TCF7L1: variants seen among roughly 807,000 people sequenced by gnomAD.
TCF7L1 encodes the protein transcription factor 7 like 1, also known as transcription factor 7-like 1.
Under a neutral mutation model 63.7 loss-of-function variants are expected in TCF7L1, and 18 were observed. The observed-to-expected ratio is 0.28, with a 90% confidence interval of 0.20 to 0.42. The LOEUF is 0.42. TCF7L1 is among the 10% of genes least tolerant of loss of function. The pLI is 1.00. For synonymous variants in TCF7L1, 355 were observed against 340.9 expected, an observed-to-expected ratio of 1.04 and a Z score of -0.46; for missense variants, 654 against 779.3, an observed-to-expected ratio of 0.84 and a Z score of 1.91.
intron 3 of TCF7L1, among the ~76,000 whole-genome samples, chr2:85,180,416 G>A (rs761361355): frequency 5.9e-5 from 9 of 151,926 alleles, no homozygotes; most frequent in Non-Finnish European, 1.3e-4. Flanking sequence ...CTACCTGGAG[G>A]GTGTGTCTAC....
chr2:85,221,009 T>C (rs933740964), intron 3 of TCF7L1, among the ~76,000 whole-genome samples: 4 of 152,196 alleles, frequency 2.6e-5, no homozygotes, highest in Non-Finnish European at 5.9e-5. Flanking sequence ...GCATGAAAGC[T>C]ATTGAAGACC....
At chr2:85,157,960 C>G (rs900766974) in intron 3 of TCF7L1, among the ~76,000 whole-genome samples, 13 of 152,162 alleles carry the variant, frequency 8.5e-5, no homozygotes, top group Non-Finnish European at 1.8e-4. Flanking sequence ...GGGGGCATGG[C>G]TTTTAGAGGT....
intron 3 of TCF7L1, among the ~76,000 whole-genome samples, chr2:85,201,640 C>G: frequency 6.6e-6 from 1 of 152,216 alleles, no homozygotes; most frequent in South Asian, 2.1e-4. Flanking sequence ...TGCTGGGTTG[C>G]GTGGTCACTT....
chr2:85,147,707 G>T (rs746446670), intron 3 of TCF7L1, among the ~76,000 whole-genome samples: 1 of 152,166 alleles, frequency 6.6e-6, no homozygotes, highest in Non-Finnish European at 1.5e-5. Flanking sequence ...AGACGTGGTG[G>T]TGTCTGGGTG....
At chr2:85,149,725 A>G (rs939776463) in intron 3 of TCF7L1, among the ~76,000 whole-genome samples, 1 of 152,072 alleles carries the variant, frequency 6.6e-6, no homozygotes, top group African/African-American at 2.4e-5. Flanking sequence ...GGGTTTCACT[A>G]TGTTGGCCAG....
At chr2:85,276,876 G>A (rs1286966184) in intron 3 of TCF7L1, among the ~76,000 whole-genome samples, 4 of 152,142 alleles carry the variant, frequency 2.6e-5, no homozygotes, top group East Asian at 1.9e-4. Context: ...ACCGTGTACC[G>A]CTTCTCGAGA....
At chr2:85,290,336 T>G (rs1414751670) in intron 4 of TCF7L1, among the ~76,000 whole-genome samples, 1 of 151,906 alleles carries the variant, frequency 6.6e-6, no homozygotes, top group Non-Finnish European at 1.5e-5. Flanking sequence ...CGTGTGCGCT[T>G]TTCCCCCCAT....
At chr2:85,147,073 C>T (rs763953634) in intron 3 of TCF7L1, among the ~76,000 whole-genome samples, 14 of 152,134 alleles carry the variant, frequency 9.2e-5, no homozygotes, top group Non-Finnish European at 1.6e-4. Flanking sequence ...TGGAGATACA[C>T]GGGCAATCAA....
At chr2:85,194,140 T>C (rs1349556272) in intron 3 of TCF7L1, among the ~76,000 whole-genome samples, 1 of 151,766 alleles carries the variant, frequency 6.6e-6, no homozygotes, top group Admixed American at 6.6e-5. Flanking sequence ...ATAAACTGAA[T>C]AAGAAAAGTC....
chr2:85,133,953 A>C lies in TCF7L1; in HGVS notation c.249+20A>C, dbSNP rs1677524387. 2.6e-6 allele frequency: 4 copies of C among 1,556,608 alleles called. No homozygotes were observed. In the East Asian group the frequency reaches 9.5e-5, roughly 37 times the overall value. ...TCGGAGGTAAGGAAGCACCGCGGCCACCCCCGGGGGATCCCGGCCCTGCGT... is the reference window on the plus strand; with the variant it reads ...TCGGAGGTAAGGAAGCACCGCGGCCCCCCCCGGGGGATCCCGGCCCTGCGT... On this transcript the variant is annotated intron_variant, in intron 1 of 11. Coordinates refer to ENST00000282111, the MANE Select transcript of TCF7L1 (RefSeq NM_031283.3). This position sits in a 1 kb window ranked among gnomAD's most constrained non-coding sequence, Gnocchi z 4.4.
At chr2:85,186,363 T>G (rs1678922592) in intron 3 of TCF7L1, 1 of 152,154 alleles carries the variant, frequency 6.6e-6, no homozygotes, top group African/African-American at 2.4e-5. Flanking sequence ...GGGGGCGCCA[T>G]CCAGAGTCAG....
At chr2:85,152,497 C>T (rs1358158991) in intron 3 of TCF7L1, among the ~76,000 whole-genome samples, 4 of 145,590 alleles carry the variant, frequency 2.7e-5, no homozygotes, top group Admixed American at 7.1e-5. Context: ...TGCAGGGGCG[C>T]GATCTTGGCT....
In TCF7L1 at chr2:85,168,488, G is replaced by A. The variant is rs181713668; in HGVS notation, c.441+34038G>A. On this transcript the variant is annotated intron_variant, in intron 3 of 11. Coordinates refer to ENST00000282111, the MANE Select transcript of TCF7L1 (RefSeq NM_031283.3). ...TGTCCCTGAGGGGGACACCTCAGGTGGTGTGGGGGTGTCGGGGAGTCATGG... is the reference window on the plus strand; with the variant it reads ...TGTCCCTGAGGGGGACACCTCAGGTAGTGTGGGGGTGTCGGGGAGTCATGG... 2.3e-3 allele frequency among the ~76,000 whole-genome samples: 348 copies of A among 152,294 alleles called. 1 individual carries two copies. Among genetic ancestry groups the A allele is most frequent in the African/African-American group, 7.8e-3 (326 of 41,566 alleles).
At chr2:85,229,073 G>A (rs974355107) in intron 3 of TCF7L1, among the ~76,000 whole-genome samples, 3 of 139,990 alleles carry the variant, frequency 2.1e-5, no homozygotes, top group African/African-American at 5.3e-5. Flanking sequence ...TGGGCCAGGC[G>A]CGGTGGCTCA....
At chr2:85,251,279 G>C (rs373902368) in intron 3 of TCF7L1, among the ~76,000 whole-genome samples, 1 of 152,302 alleles carries the variant, frequency 6.6e-6, no homozygotes, top group East Asian at 1.9e-4. Context: ...CAAGTGGGTA[G>C]GTCACTGCCC....
intron 3 of TCF7L1, among the ~76,000 whole-genome samples, chr2:85,135,297 G>T (rs1282329459): frequency 6.6e-6 from 1 of 152,126 alleles, no homozygotes; most frequent in African/African-American, 2.4e-5. Flanking sequence ...CCCCCAAGCC[G>T]CCACTCCACC....
At chr2:85,284,492 A>C (rs1245356996) in intron 4 of TCF7L1, among the ~76,000 whole-genome samples, 1 of 152,204 alleles carries the variant, frequency 6.6e-6, no homozygotes, top group East Asian at 1.9e-4. Flanking sequence ...TGGCCTCCTC[A>C]GGACATGCAA....
At position 85,166,052 on chromosome 2, in the gene TCF7L1, T is replaced by C. The variant is rs995044805; in HGVS notation, c.441+31602T>C. Among the ~76,000 whole-genome samples, 22 of 152,330 alleles carry C rather than the reference T, an allele frequency of 1.4e-4. 1 individual carries two copies. Among genetic ancestry groups the C allele is most frequent in the South Asian group, 8.3e-4 (4 of 4,832 alleles). ...TTATGGAACTTATTTTAAAACTTGA[T>C]CGGGAGGCAAATGGCAGTGAGTTTG... On this transcript the variant is annotated intron_variant, in intron 3 of 11. Coordinates refer to ENST00000282111, the MANE Select transcript of TCF7L1 (RefSeq NM_031283.3).
intron 3 of TCF7L1, among the ~76,000 whole-genome samples, chr2:85,268,743 G>A (rs1186303435): frequency 6.7e-6 from 1 of 148,926 alleles, no homozygotes; most frequent in Admixed American, 6.8e-5. Context: ...TGCCCAGCCT[G>A]GATGCCTTTC....
Sources: gnomAD v4.1 joint callset for allele counts (sites outside exome capture counted in the v4.1 genomes callset) on GRCh38, gnomAD v4.1.1 for gene constraint, Gnocchi (gnomAD v3.1) non-coding constraint, MANE v1.5 for transcripts, NCBI Gene and HGNC (gene_info 2026-07-23, HGNC 2026-07-21) for gene names.